Variants in PDZRN3 observed in about 807,000 individuals in gnomAD.
PDZRN3 encodes PDZ domain containing ring finger 3.
Under a neutral mutation model 85.7 loss-of-function variants are expected in PDZRN3, and 38 were observed. The observed-to-expected ratio is 0.44, with a 90% confidence interval of 0.34 to 0.58. The LOEUF (loss-of-function observed/expected upper bound fraction) is 0.58, where lower values mean the gene tolerates loss of function less well. Ranked by LOEUF, PDZRN3 falls within the 20% of genes least tolerant of loss-of-function variation. PDZRN3 has a pLI of 0.01. For missense variants in PDZRN3, 1,629 were observed against 1,506.4 expected (o/e 1.08, Z -1.35); for synonymous variants, 759 against 638.0 (o/e 1.19, Z -2.86).
At chr3:73,441,809 T>G (rs1702642193) in intron 3 of PDZRN3, among the ~76,000 whole-genome samples, 1 of 152,166 alleles carries the variant, frequency 6.6e-6, no homozygotes, top group African/African-American at 2.4e-5. Context: ...GGAAACACAA[T>G]GTACTCGTGA....
At chr3:73,617,502 C>A (rs1702782061) in intron 1 of PDZRN3, among the ~76,000 whole-genome samples, 1 of 152,184 alleles carries the variant, frequency 6.6e-6, no homozygotes, top group Non-Finnish European at 1.5e-5. Flanking sequence ...TGGGTTAAAG[C>A]TGCTCAGTTT....
At chr3:73,491,868 T>C (rs1017205274) in intron 3 of PDZRN3, among the ~76,000 whole-genome samples, 1 of 152,048 alleles carries the variant, frequency 6.6e-6, no homozygotes, top group Non-Finnish European at 1.5e-5. Flanking sequence ...TCCAAAGCAT[T>C]GGGATTACAG....
chr3:73,605,376 T>C (rs1559755473), intron 2 of PDZRN3, among the ~76,000 whole-genome samples: 1 of 152,192 alleles, frequency 6.6e-6, no homozygotes, highest in Non-Finnish European at 1.5e-5. Context: ...TGAAAGGGGA[T>C]TGTTTTCATA....
intron 3 of PDZRN3, among the ~76,000 whole-genome samples, chr3:73,447,948 T>C (rs1702783409): frequency 6.6e-6 from 1 of 152,178 alleles, no homozygotes. Context: ...GCATTCTACA[T>C]AAATATAGAT....
rs572789907 is a variant in PDZRN3, at chr3:73,571,947, A to C, written c.918+30407T>G. On this transcript the variant is annotated intron_variant, in intron 3 of 9. Coordinates refer to ENST00000263666, the MANE Select transcript of PDZRN3 (RefSeq NM_015009.3). ...GAACATGGCATTGGGTTTAGAAAAA[A>C]TTTCCTAGGCAATTTTGTACTTAAC... is the stretch of plus-strand genomic sequence containing the variant. 7.9e-5 allele frequency among the ~76,000 whole-genome samples: 12 copies of C among 152,332 alleles called. No homozygotes were observed. In the South Asian group the frequency reaches 2.3e-3, roughly 29 times the overall value.
chr3:73,550,665 A>T (rs1701532427), intron 3 of PDZRN3, among the ~76,000 whole-genome samples: 1 of 152,252 alleles, frequency 6.6e-6, no homozygotes, highest in East Asian at 1.9e-4. Context: ...GCTGGTTTCT[A>T]AAAAATGAAG....
intron 3 of PDZRN3, among the ~76,000 whole-genome samples, chr3:73,533,518 A>G (rs1468962427): frequency 6.6e-6 from 1 of 152,210 alleles, no homozygotes; most frequent in Admixed American, 6.5e-5. Context: ...TCCATGGCAT[A>G]TTAGAAACTC....
intron 3 of PDZRN3, among the ~76,000 whole-genome samples, chr3:73,591,072 G>A (rs993715991): frequency 2.0e-5 from 3 of 152,042 alleles, no homozygotes; most frequent in African/African-American, 7.2e-5. Flanking sequence ...TCATCTTTAT[G>A]TCTTATTGTA....
At chr3:73,579,624 G>C (rs1702169908) in intron 3 of PDZRN3, among the ~76,000 whole-genome samples, 1 of 152,162 alleles carries the variant, frequency 6.6e-6, no homozygotes, top group Admixed American at 6.5e-5. Context: ...AAATGACAGG[G>C]ACTACACTTT....
At chr3:73,462,691 C>T (rs1281380032) in intron 3 of PDZRN3, among the ~76,000 whole-genome samples, 1 of 152,090 alleles carries the variant, frequency 6.6e-6, no homozygotes, top group Non-Finnish European at 1.5e-5. Context: ...CTTGTATTCT[C>T]AATACCTCTC....
At chr3:73,607,050 T>C (rs1702611045) in intron 2 of PDZRN3, among the ~76,000 whole-genome samples, 1 of 152,136 alleles carries the variant, frequency 6.6e-6, no homozygotes, top group African/African-American at 2.4e-5. Context: ...CTCTGCTTAC[T>C]TGCAGCTCCC....
At chr3:73,386,868 T>TC (rs1293415386) in intron 8 of PDZRN3, among the ~76,000 whole-genome samples, 2 of 150,672 alleles carry the variant, frequency 1.3e-5, no homozygotes, top group African/African-American at 5.0e-5. Context: ...CTCGGCTTTT[T>TC]CAATCGGGTT....
At chr3:73,456,937 G>A (rs1702990009) in intron 3 of PDZRN3, among the ~76,000 whole-genome samples, 1 of 146,096 alleles carries the variant, frequency 6.8e-6, no homozygotes, top group South Asian at 2.1e-4. Flanking sequence ...GGGGAGTAGG[G>A]GGAAAAAAAA....
At chr3:73,545,684 CAACT>C (rs1701406140) in intron 3 of PDZRN3, among the ~76,000 whole-genome samples, 1 of 152,202 alleles carries the variant, frequency 6.6e-6, no homozygotes, top group African/African-American at 2.4e-5. Context: ...GAGACTCTAT[CAACT>C]AGAAAGTACT....
chr3:73,620,022 G>C (rs1341184174), intron 1 of PDZRN3, among the ~76,000 whole-genome samples: 2 of 152,194 alleles, frequency 1.3e-5, no homozygotes, highest in African/African-American at 4.8e-5. Flanking sequence ...TAGGTAGGTA[G>C]GTAGATGCCC....
intron 3 of PDZRN3, among the ~76,000 whole-genome samples, chr3:73,481,479 C>T (rs566535397): frequency 6.6e-6 from 1 of 152,044 alleles, no homozygotes; most frequent in African/African-American, 2.4e-5. Flanking sequence ...TACAGGCATG[C>T]GCCTTCATGG....
At chr3:73,408,593 G>T (rs79818102) in intron 3 of PDZRN3, among the ~76,000 whole-genome samples, 1 of 142,716 alleles carries the variant, frequency 7.0e-6, no homozygotes, top group East Asian at 1.9e-4. Context: ...GGAGGAGGGG[G>T]GGGGGTGCAA....
chr3:73,443,372 T>C (rs1254645178), intron 3 of PDZRN3, among the ~76,000 whole-genome samples: 1 of 152,034 alleles, frequency 6.6e-6, no homozygotes, highest in Non-Finnish European at 1.5e-5. Context: ...CCACATGGAG[T>C]CTTCCCACTT....
intron 3 of PDZRN3, among the ~76,000 whole-genome samples, chr3:73,452,079 G>A (rs1187910477): frequency 6.6e-6 from 1 of 152,152 alleles, no homozygotes; most frequent in Non-Finnish European, 1.5e-5. Flanking sequence ...GGGCTAATTA[G>A]CTCAGCTGGT....
Sources: gnomAD v4.1 joint callset for allele counts (sites outside exome capture counted in the v4.1 genomes callset) on GRCh38, gnomAD v4.1.1 for gene constraint, MANE v1.5 for transcripts, NCBI Gene and HGNC (gene_info 2026-07-23, HGNC 2026-07-21) for gene names.